Variants in PLCZ1 observed in about 807,000 individuals in gnomAD.
The protein encoded by PLCZ1 is phospholipase C zeta 1.
In PLCZ1, 64 loss-of-function variants were observed where a neutral mutation model predicts 76.8. The ratio of observed to expected loss-of-function variants is 0.83; its 90% confidence interval spans 0.68 to 1.03. The LOEUF (loss-of-function observed/expected upper bound fraction) is 1.03, where lower values mean the gene tolerates loss of function less well. Ranked by LOEUF, PLCZ1 falls within the 50% of genes least tolerant of loss-of-function variation. The probability of loss-of-function intolerance (pLI) is 0.00; values close to 1 mark genes in which losing one functional copy is unlikely to be tolerated. For missense variants in PLCZ1, 751 were observed against 713.7 expected (o/e 1.05, Z -0.60); for synonymous variants, 248 against 230.8 (o/e 1.07, Z -0.68).
intron 10 of PLCZ1, among the ~76,000 whole-genome samples, chr12:18,698,497 T>C (rs887764830): frequency 2.0e-5 from 3 of 152,290 alleles, no homozygotes; most frequent in African/African-American, 7.2e-5. Flanking sequence ...TTTGGGTATC[T>C]ATGACCAGCC....
At chr12:18,727,141 C>T (rs571340982) in intron 3 of PLCZ1, among the ~76,000 whole-genome samples, 6 of 151,770 alleles carry the variant, frequency 4.0e-5, no homozygotes, top group South Asian at 2.1e-4. Context: ...AGGCTGAGTT[C>T]GAGATCACCC....
At chr12:18,729,592 A>G (rs956053478) in intron 3 of PLCZ1, among the ~76,000 whole-genome samples, 2 of 152,138 alleles carry the variant, frequency 1.3e-5, no homozygotes, top group Non-Finnish European at 2.9e-5. Context: ...CTGAAATTAC[A>G]AAGGATACTA....
intron 1 of PLCZ1, chr12:18,737,712 A>G (rs1200100773): frequency 2.9e-5 from 13 of 453,844 alleles, no homozygotes; most frequent in African/African-American, 2.0e-5. Context: ...GCATTTTTCC[A>G]TGAACTGCCA....
intron 4 of PLCZ1, among the ~76,000 whole-genome samples, chr12:18,720,747 GACTC>G (rs1243743508): frequency 6.6e-6 from 1 of 151,988 alleles, no homozygotes; most frequent in Non-Finnish European, 1.5e-5. Flanking sequence ...TGGAAGTAGA[GACTC>G]AGACAGTGAT....
intron 2 of PLCZ1, chr12:18,736,871 G>A: frequency 2.3e-6 from 1 of 431,926 alleles, no homozygotes; most frequent in Non-Finnish European, 4.6e-6. Flanking sequence ...TTAGTCCAAT[G>A]CCCAGCTACA....
chr12:18,737,878 C>T (rs1959592716), intron 1 of PLCZ1, 54 bp downstream of exon 1: 1 of 281,284 alleles, frequency 3.6e-6, no homozygotes, highest in Non-Finnish European at 6.7e-6. Flanking sequence ...ACTCTTGAAA[C>T]TTTGGGCTGC....
Position 18,723,603 on chromosome 12 carries a change from TTAGAG to T in PLCZ1, c.136-66_136-62del. 4 of 1,226,662 alleles carry T rather than the reference TTAGAG, an allele frequency of 3.3e-6. 1 individual carries two copies. In the South Asian group the frequency reaches 4.9e-5, roughly 15 times the overall value. 76.0% of individuals were successfully genotyped at this position (1,226,662 alleles called of 1,614,324 possible). A position where few individuals can be genotyped will look rare whatever the true frequency, so the allele number is the denominator to read the frequency against. The stretch of plus-strand genomic sequence containing the variant: ...GTATAAAAAATACATAAAATGAATA[TTAGAG>T]TATTTATGTAACATGTAGTAATTTA... On this transcript the variant is annotated intron_variant, in intron 3 of 14. Coordinates refer to ENST00000266505, the MANE Select transcript of PLCZ1 (RefSeq NM_033123.4).
At chr12:18,710,506 T>G (rs77229538) in intron 6 of PLCZ1, among the ~76,000 whole-genome samples, 1 of 151,972 alleles carries the variant, frequency 6.6e-6, no homozygotes, top group African/African-American at 2.4e-5. Flanking sequence ...AGCTTTTATT[T>G]TGAGTGAGGC....
chr12:18,682,132 A>G (rs1189792589), downstream of PLCZ1, among the ~76,000 whole-genome samples: 1 of 152,088 alleles, frequency 6.6e-6, no homozygotes, highest in Non-Finnish European at 1.5e-5. Flanking sequence ...GGAAACTGGA[A>G]GATTGTGCAC....
At chr12:18,701,435 ATCTCC>A in intron 9 of PLCZ1, 61 bp downstream of exon 9, 1 of 1,606,152 alleles carries the variant, frequency 6.2e-7, no homozygotes, top group South Asian at 1.1e-5. Flanking sequence ...TTTTAAAAAA[ATCTCC>A]AAGAATAAAA....
intron 3 of PLCZ1, among the ~76,000 whole-genome samples, chr12:18,725,971 G>T (rs563606314): frequency 6.6e-6 from 1 of 152,070 alleles, no homozygotes; most frequent in East Asian, 1.9e-4. Flanking sequence ...TATTAGATTG[G>T]AATGACAGCC....
At chr12:18,677,781 T>G in the PLCZ1 span, among the ~76,000 whole-genome samples, 1 of 152,078 alleles carries the variant, frequency 6.6e-6, no homozygotes. Context: ...ATTATTTGTG[T>G]TTTCTAAACA....
chr12:18,695,014 C>T lies in PLCZ1; in HGVS notation c.1357G>A (p.Gly453Ser). The T allele has an allele frequency of 6.2e-7, 1 of 1,612,274 alleles. No individual in the cohort carries two copies. The highest frequency in any genetic ancestry group is 8.5e-7 in the Non-Finnish European group (1 of 1,178,636). The change falls in exon 12 of 15, where the codon GGT (glycine) becomes AGT (serine). Residue 453 changes from glycine to serine, a missense_variant. Coordinates refer to ENST00000266505, the MANE Select transcript of PLCZ1 (RefSeq NM_033123.4). ...GGTTTCAAAATATATCCAGAACCAC[C>T]ATTATCCAAAAATTTCCCATTTTGC... ...DLQNGKFLDN[G>S]GSGYILKPHF...
At chr12:18,650,331 C>CTCTATATATA in the PLCZ1 span, among the ~76,000 whole-genome samples, 17 of 91,976 alleles carry the variant, frequency 1.8e-4, no homozygotes, top group Non-Finnish European at 3.1e-4. Context: ...CTCTCTCTCT[C>CTCTATATATA]TATATATATA....
In PLCZ1 at chr12:18,730,289, C is replaced by T. The variant is rs191164239; in HGVS notation, c.135+5932G>A. On this transcript the variant is annotated intron_variant, in intron 3 of 14. Coordinates refer to ENST00000266505, the MANE Select transcript of PLCZ1 (RefSeq NM_033123.4). Reference sequence around the variant, plus strand: ...GAAGCAAGTGAGTTGAATGTGTAAGCAGCTTAATCTTCAGCTATCCATAAA... The same window carrying T: ...GAAGCAAGTGAGTTGAATGTGTAAGTAGCTTAATCTTCAGCTATCCATAAA... Among the ~76,000 whole-genome samples, 673 of 152,176 alleles carry T rather than the reference C, an allele frequency of 4.4e-3. 7 individuals are homozygous for T. Among genetic ancestry groups the T allele is most frequent in the African/African-American group, 0.015 (630 of 41,524 alleles).
intron 12 of PLCZ1, 83 bp from the exon 13 acceptor site, chr12:18,688,301 C>A: frequency 7.0e-7 from 1 of 1,424,126 alleles, no homozygotes; most frequent in East Asian, 2.3e-5. Context: ...TTATGTATTA[C>A]AAAAAGTTGA....
At chr12:18,716,863 C>T (rs1592242310) in intron 5 of PLCZ1, among the ~76,000 whole-genome samples, 1 of 152,036 alleles carries the variant, frequency 6.6e-6, no homozygotes, top group African/African-American at 2.4e-5. Flanking sequence ...ATTTAAGAAT[C>T]TTTTGGTACA....
chr12:18,651,828 T>C, the PLCZ1 span, among the ~76,000 whole-genome samples: 1 of 152,122 alleles, frequency 6.6e-6, no homozygotes. Flanking sequence ...CACAGACATA[T>C]GCATGAGGCA....
At chr12:18,710,966 G>T (rs1957235875) in intron 6 of PLCZ1, among the ~76,000 whole-genome samples, 2 of 152,110 alleles carry the variant, frequency 1.3e-5, no homozygotes, top group South Asian at 4.1e-4. Context: ...CATTGTGGAA[G>T]TCAGTGTGGC....
Sources: gnomAD v4.1 joint callset for allele counts (sites outside exome capture counted in the v4.1 genomes callset) on GRCh38, gnomAD v4.1.1 for gene constraint, MANE v1.5 for transcripts, NCBI Gene and HGNC (gene_info 2026-07-23, HGNC 2026-07-21) for gene names.